The following CRB1 variants were observed in gnomAD, a reference collection of about 807,000 sequenced individuals.
CRB1 encodes the protein crumbs cell polarity complex component 1, also known as protein crumbs homolog 1.
In CRB1, 83 loss-of-function variants were observed where a neutral mutation model predicts 120.0. The ratio of observed to expected loss-of-function variants is 0.69; its 90% CI spans 0.58 to 0.83. The LOEUF is 0.83. CRB1 is among the 40% of genes least tolerant of loss of function. The probability of loss-of-function intolerance (pLI) is 0.00; values close to 1 mark genes in which losing one functional copy is unlikely to be tolerated. For synonymous variants in CRB1, 625 were observed against 612.5 expected (o/e 1.02, Z -0.30); for missense variants, 1,699 against 1,687.6 (o/e 1.01, Z -0.12).
the CRB1 span, among the ~76,000 whole-genome samples, chr1:197,244,382 C>A: frequency 4.0e-5 from 6 of 151,760 alleles, no homozygotes; most frequent in Non-Finnish European, 8.8e-5. Context: ...CTTCATTTTT[C>A]CTTAGAATGT....
intron 11 of CRB1, among the ~76,000 whole-genome samples, chr1:197,447,678 CA>C (rs199913220): frequency 2.0e-5 from 3 of 148,374 alleles, no homozygotes; most frequent in East Asian, 2.0e-4. Flanking sequence ...CCCTTTCTGA[CA>C]AAAAAAAAGA....
intron 5 of CRB1, among the ~76,000 whole-genome samples, chr1:197,415,382 A>G (rs1227273047): frequency 6.6e-6 from 1 of 152,166 alleles, no homozygotes; most frequent in Non-Finnish European, 1.5e-5. Flanking sequence ...ACAATTACGT[A>G]TGACTCCCCA....
At chr1:197,390,832 TA>T (rs1275824468) in intron 5 of CRB1, among the ~76,000 whole-genome samples, 1 of 152,034 alleles carries the variant, frequency 6.6e-6, no homozygotes, top group Admixed American at 6.6e-5. Context: ...TCTTTTTAGG[TA>T]GAGACATTTC....
At chr1:197,247,327 T>G in the CRB1 span, among the ~76,000 whole-genome samples, 44 of 152,194 alleles carry the variant, frequency 2.9e-4, no homozygotes, top group African/African-American at 1.1e-3. Flanking sequence ...TTCTTTTGCA[T>G]GTTGAAATTC....
intron 1 of CRB1, among the ~76,000 whole-genome samples, chr1:197,316,153 G>A (rs1330380367): frequency 6.6e-6 from 1 of 151,678 alleles, no homozygotes; most frequent in Non-Finnish European, 1.5e-5. Context: ...ATGAGCTTTG[G>A]TTCAAAAATC....
the CRB1 span, among the ~76,000 whole-genome samples, chr1:197,229,421 T>C: frequency 6.6e-6 from 1 of 152,208 alleles, no homozygotes; most frequent in African/African-American, 2.4e-5. Context: ...TGATTTGTCT[T>C]TTCCCTTCCC....
At chr1:197,348,089 C>G (rs1571879296) in intron 4 of CRB1, among the ~76,000 whole-genome samples, 1 of 152,194 alleles carries the variant, frequency 6.6e-6, no homozygotes, top group African/African-American at 2.4e-5. Flanking sequence ...CATTGCATAA[C>G]AACATTTTGG....
chr1:197,202,553 G>T, the CRB1 span, among the ~76,000 whole-genome samples: 1 of 152,150 alleles, frequency 6.6e-6, no homozygotes. Context: ...GAATAATTTA[G>T]AAGTGAAAGC....
the CRB1 span, among the ~76,000 whole-genome samples, chr1:197,237,733 C>T: frequency 2.0e-5 from 3 of 152,114 alleles, no homozygotes; most frequent in Admixed American, 1.3e-4. Flanking sequence ...ATTCACAATT[C>T]GTCTTTTCTC....
intron 2 of CRB1, among the ~76,000 whole-genome samples, chr1:197,332,696 C>G (rs930981926): frequency 1.3e-5 from 2 of 152,176 alleles, no homozygotes; most frequent in Non-Finnish European, 2.9e-5. Flanking sequence ...TGCTCAGACT[C>G]TACTTCCAGA....
chr1:197,468,238 C>T (rs993884934), intron 11 of CRB1, among the ~76,000 whole-genome samples: 1 of 151,944 alleles, frequency 6.6e-6, no homozygotes, highest in Non-Finnish European at 1.5e-5. Flanking sequence ...CTTGTTTTTC[C>T]TTCATGTTCA....
intron 5 of CRB1, among the ~76,000 whole-genome samples, chr1:197,366,230 T>C (rs773155445): frequency 1.2e-4 from 19 of 152,190 alleles, no homozygotes; most frequent in Non-Finnish European, 1.9e-4. Flanking sequence ...TATTCAACTT[T>C]ATTTTTATTT....
chr1:197,308,212 TTATAAG>T (rs1657287095), intron 1 of CRB1, among the ~76,000 whole-genome samples: 1 of 152,200 alleles, frequency 6.6e-6, no homozygotes, highest in African/African-American at 2.4e-5. Context: ...ATTTTCTCAC[TTATAAG>T]TAGGAGCTAA....
chr1:197,354,490 T>G (rs1571891066), intron 4 of CRB1, among the ~76,000 whole-genome samples: 3 of 152,160 alleles, frequency 2.0e-5, no homozygotes, highest in African/African-American at 7.2e-5. Flanking sequence ...TTCTTTCTGG[T>G]GGGTTCGTGG....
At chr1:197,471,797 G>T (rs571538248) in intron 11 of CRB1, among the ~76,000 whole-genome samples, 1 of 152,156 alleles carries the variant, frequency 6.6e-6, no homozygotes, top group Non-Finnish European at 1.5e-5. Flanking sequence ...GGAAACGGCC[G>T]CTTCTAACAA....
intron 11 of CRB1, among the ~76,000 whole-genome samples, chr1:197,451,424 G>A (rs573353985): frequency 6.6e-6 from 1 of 152,296 alleles, no homozygotes; most frequent in South Asian, 2.1e-4. Flanking sequence ...GACTGGGAAT[G>A]ATTCATCTAG....
intron 5 of CRB1, among the ~76,000 whole-genome samples, chr1:197,382,567 A>G (rs1662011010): frequency 6.6e-6 from 1 of 152,222 alleles, no homozygotes; most frequent in South Asian, 2.1e-4. Flanking sequence ...TTTCAAAGAA[A>G]CATCTGGGTT....
chr1:197,335,923 T>G (rs61821370), intron 2 of CRB1, among the ~76,000 whole-genome samples: 49,496 of 151,804 alleles, frequency 0.33, 9,961 homozygotes, highest in East Asian at 0.77. Context: ...CTCTCTGCCC[T>G]CTATTGCCCT....
intron 1 of CRB1, among the ~76,000 whole-genome samples, chr1:197,303,527 T>G (rs997291087): frequency 1.1e-4 from 17 of 152,036 alleles, no homozygotes; most frequent in African/African-American, 4.1e-4. Flanking sequence ...CTTTTGACAT[T>G]GTTTAATATT....
Sources: allele counts gnomAD v4.1 joint callset (sites outside exome capture counted in the v4.1 genomes callset), GRCh38; gene constraint gnomAD v4.1.1; transcripts MANE v1.5; gene names NCBI Gene and HGNC (gene_info 2026-07-23, HGNC 2026-07-21).